The following PLEKHG5 variants were observed in gnomAD, a reference collection of about 807,000 sequenced individuals.
PLEKHG5 encodes pleckstrin homology domain-containing family G member 5.
Under a neutral mutation model 103.8 loss-of-function variants are expected in PLEKHG5, and 52 were observed. The ratio of observed to expected loss-of-function variants is 0.50; its 90% CI spans 0.40 to 0.63. The LOEUF is 0.63. Ranked by LOEUF, PLEKHG5 falls within the 30% of genes least tolerant of loss-of-function variation. The pLI is 0.00. For missense variants in PLEKHG5, 1,205 were observed against 1,347.6 expected (o/e 0.89, Z 1.66); for synonymous variants, 592 against 575.5 (o/e 1.03, Z -0.41).
chr1:6,470,128 G>A, intron 16 of PLEKHG5, 108 bp downstream of exon 16: 1 of 1,247,058 alleles, frequency 8.0e-7, no homozygotes, highest in Non-Finnish European at 1.1e-6. Context: ...CAAGGTCACT[G>A]GTTCTTGAGT....
Position 6,473,460 on chromosome 1 carries a change from C to A in PLEKHG5, c.592-6G>T. Reference sequence around the variant, plus strand: ...TTGCGGCGGCGGCCAGGGGCCTGGTCAGGGAAGGGTGGTCAGGGCCGGGAC... The same window carrying A: ...TTGCGGCGGCGGCCAGGGGCCTGGTAAGGGAAGGGTGGTCAGGGCCGGGAC... On this transcript the variant is annotated splice_region_variant and splice_polypyrimidine_tract_variant and intron_variant, in intron 7 of 20. Transcript: ENST00000377728. 6.6e-7 allele frequency: 1 copy of A among 1,521,590 alleles called. No individual in the cohort carries two copies. Among genetic ancestry groups the A allele is most frequent in the South Asian group, 1.2e-5 (1 of 81,252 alleles). 94.3% of individuals were successfully genotyped at this position (1,521,590 alleles called of 1,614,324 possible).
rs1645048644 is a variant in PLEKHG5, at chr1:6,486,798, TA to T, written c.-88+4838del. Among the ~76,000 whole-genome samples the T allele has an allele frequency of 5.3e-5, 8 of 152,156 alleles. No homozygotes were observed. Among genetic ancestry groups the T allele is most frequent in the Admixed American group, 5.2e-4 (8 of 15,284 alleles). ...TCACGGCGTGGGGGATAAAGTGACA[TA>T]AAGAGACAAAAGTCTACAGGCAAGA... On this transcript the variant is annotated intron_variant, in intron 1 of 20. Coordinates refer to ENST00000377728, the MANE Select transcript of PLEKHG5 (RefSeq NM_020631.6). The surrounding 1 kb of genome is among the most constrained non-coding windows in gnomAD (Gnocchi z 5.3).
intron 1 of PLEKHG5, 96 bp from the exon 2 acceptor site, chr1:6,477,754 C>G (rs567248755): frequency 3.8e-6 from 5 of 1,312,602 alleles, no homozygotes; most frequent in East Asian, 4.8e-5. Flanking sequence ...GAACTGCCCT[C>G]CATCTCTCGA....
chr1:6,470,641 G>A lies in PLEKHG5; in HGVS notation c.1545C>T (p.Ile515=), dbSNP rs762389784. ...GGTGGATGAAGCGCTCCACGGAGCC[G>A]ATCTAGGGGCAGGTGAGGGAGCTTC... The part of the protein sequence containing the change: ...PRAKEAVVAM[I]GSVERFIHHV... The change falls in exon 15 of 21, where the codon ATC becomes ATT. Residue 515 remains isoleucine, a splice_region_variant and synonymous_variant. Coordinates refer to ENST00000377728, the MANE Select transcript of PLEKHG5 (RefSeq NM_020631.6). 32 of 1,570,478 alleles carry A rather than the reference G, an allele frequency of 2.0e-5. No individual in the cohort carries two copies. In the South Asian group the frequency reaches 3.2e-4, roughly 16 times the overall value.
intron 9 of PLEKHG5, 128 bp from the exon 10 acceptor site, chr1:6,472,750 T>A (rs539173667): frequency 1.5e-5 from 12 of 784,170 alleles, no homozygotes; most frequent in Middle Eastern, 2.2e-4. Flanking sequence ...AGGAGCAGGG[T>A]CACCCTTGAC....
chr1:6,474,761 A>G, intron 5 of PLEKHG5, 174 bp from the exon 6 acceptor site: 1 of 706,200 alleles, frequency 1.4e-6, no homozygotes, highest in Admixed American at 2.1e-5. Flanking sequence ...CTGCCCGCAG[A>G]GGTGCTCACA....
At position 6,505,246 on chromosome 1, in the gene PLEKHG5, G is replaced by T. The variant is rs570279982; in HGVS notation, c.-164-8677C>A. Among the ~76,000 whole-genome samples, 13 of 152,010 alleles carry T rather than the reference G, an allele frequency of 8.6e-5. No individual in the cohort carries two copies. Among genetic ancestry groups the T allele is most frequent in the African/African-American group, 3.1e-4 (13 of 41,392 alleles). ...AGCTAGGTCCCCAGCCCACAGTGCC[G>T]GTCAGCCCACTGTGCCGACCAGCCT... On this transcript the variant is annotated intron_variant, in intron 1 of 21. Transcript: ENST00000377740. This position sits in a 1 kb window ranked among gnomAD's most constrained non-coding sequence, Gnocchi z 4.2.
Position 6,470,313 on chromosome 1 carries a change from G to A in PLEKHG5, c.1723C>T (p.Pro575Ser). The change falls in exon 16 of 21, where the codon CCT becomes TCT. Residue 575 changes from proline (P) to serine (S), a missense_variant. Physicochemically the swap from Pro to Ser is moderately conservative, Grantham distance 74 (BLOSUM62 -1). Transcript: ENST00000377728. ...CGCGTCTCCTCCGGGGAGGCGCCAG[G>A]GATGGGCGCTGTCAAGTCCAGGTGC... The part of the protein sequence containing the change: ...FLHLDLTAPI[P>S]GASPEETRQL... 2 of 1,614,032 alleles carry A rather than the reference G, an allele frequency of 1.2e-6. No homozygotes were observed. The highest frequency in any genetic ancestry group is 1.7e-6 in the Non-Finnish European group (2 of 1,179,984).
chr1:6,480,935 G>A (rs945833441), intron 1 of PLEKHG5, among the ~76,000 whole-genome samples: 27 of 152,160 alleles, frequency 1.8e-4, no homozygotes, highest in African/African-American at 6.0e-4. Context: ...TTACAGGTGT[G>A]AGCCACCATA....
At chr1:6,469,888 G>A (rs1557738340) in intron 16 of PLEKHG5, among the ~76,000 whole-genome samples, 1 of 152,224 alleles carries the variant, frequency 6.6e-6, no homozygotes, top group African/African-American at 2.4e-5. Context: ...TTAAAAAGAA[G>A]ACTGGTGACT....
chr1:6,497,406 C>T (rs1282730179), upstream of PLEKHG5: 1 of 998,574 alleles, frequency 1.0e-6, no homozygotes, highest in Non-Finnish European at 1.2e-6. The surrounding 1 kb of genome is among the most constrained non-coding windows in gnomAD (Gnocchi z 6.1). Flanking sequence ...GCAGAGCCGC[C>T]GCCGCCGGAC....
chr1:6,491,093 CT>C lies in PLEKHG5; in HGVS notation c.-88+543del, dbSNP rs545166285. The stretch of plus-strand genomic sequence containing the variant: ...CAGCCCGCTTTTCTCTGGGCCCCCT[CT>C]TTTTTTTTTTTCTGGCCCAGGTGAT... On this transcript the variant is annotated intron_variant, in intron 1 of 20. Coordinates refer to ENST00000377728, the MANE Select transcript of PLEKHG5 (RefSeq NM_020631.6). This position sits in a 1 kb window ranked among gnomAD's most constrained non-coding sequence, Gnocchi z 4.1. Among the ~76,000 whole-genome samples the C allele has an allele frequency of 8.1e-4, 118 of 145,656 alleles. 3 individuals are homozygous for C. The South Asian group carries it at 0.014, about 17-fold the overall frequency.
chr1:6,471,399 A>T, intron 12 of PLEKHG5, 89 bp downstream of exon 12: 1 of 1,424,930 alleles, frequency 7.0e-7, no homozygotes, highest in Non-Finnish European at 9.5e-7. Context: ...GAGGTTGGGG[A>T]TGCTGGGCAG....
rs1475889178 is a variant in PLEKHG5, at chr1:6,487,946, A to C, written c.-88+3691T>G. On this transcript the variant is annotated intron_variant, in intron 1 of 20. Transcript: ENST00000377728. The surrounding 1 kb of genome is among the most constrained non-coding windows in gnomAD (Gnocchi z 4.1). ...AGAAGGGCCTTCATGCCACAGAAGG[A>C]CATGGGGACAGGAAAGGGCTCGGCC... Among the ~76,000 whole-genome samples, 2 of 152,166 alleles carry C rather than the reference A, an allele frequency of 1.3e-5. No individual in the cohort carries two copies. Among genetic ancestry groups the C allele is most frequent in the Non-Finnish European group, 2.9e-5 (2 of 68,014 alleles).
chr1:6,479,161 C>A (rs1035583583), intron 1 of PLEKHG5, among the ~76,000 whole-genome samples: 1 of 152,022 alleles, frequency 6.6e-6, no homozygotes, highest in African/African-American at 2.4e-5. Context: ...GGAAACTGAA[C>A]CTTGATATAT....
At chr1:6,499,255 A>G (rs974785703), upstream of PLEKHG5, among the ~76,000 whole-genome samples, 4 of 152,094 alleles carry the variant, frequency 2.6e-5, no homozygotes, top group Non-Finnish European at 4.4e-5. Context: ...AGCTCCCTAG[A>G]TCCCCCCATG....
chr1:6,473,921 A>G, intron 7 of PLEKHG5, 92 bp downstream of exon 7: 7 of 1,270,382 alleles, frequency 5.5e-6, no homozygotes, highest in Non-Finnish European at 7.7e-6. Context: ...TGGGGCAGTG[A>G]GAGACCCAGG....
intron 2 of PLEKHG5, 116 bp downstream of exon 2, chr1:6,477,413 G>C (rs1466569592): frequency 5.6e-6 from 6 of 1,067,322 alleles, no homozygotes; most frequent in Non-Finnish European, 8.5e-6. Context: ...AACATACTCG[G>C]GTTTCATTAT....
chr1:6,505,039 T>C lies in PLEKHG5; in HGVS notation c.-164-8470A>G, dbSNP rs1263353551. 6.6e-6 allele frequency among the ~76,000 whole-genome samples: 1 copy of C among 152,158 alleles called. No homozygotes were observed. The highest frequency in any genetic ancestry group is 1.5e-5 in the Non-Finnish European group (1 of 68,014). On this transcript the variant is annotated intron_variant, in intron 1 of 21. Transcript: ENST00000377740. The surrounding 1 kb of genome is among the most constrained non-coding windows in gnomAD (Gnocchi z 4.2). ...TCATCCAGGACAGGCTCCTGCTCCC[T>C]GGGCTTGTGGCCTGGGGGAGGCCAG...
Sources: allele counts gnomAD v4.1 joint callset (sites outside exome capture counted in the v4.1 genomes callset), GRCh38; gene constraint gnomAD v4.1.1; non-coding constraint Gnocchi (gnomAD v3.1); transcripts MANE v1.5; gene names NCBI Gene and HGNC (gene_info 2026-07-23, HGNC 2026-07-21).